Variants in GALNTL6 observed in about 807,000 individuals in gnomAD.
GALNTL6 encodes polypeptide N-acetylgalactosaminyltransferase-like 6.
Under a neutral mutation model 73.7 loss-of-function variants are expected in GALNTL6, and 46 were observed. The ratio of observed to expected loss-of-function variants is 0.62; its 90% confidence interval spans 0.49 to 0.80. The LOEUF is 0.80. GALNTL6 is among the 30% of genes least tolerant of loss of function. The pLI, the probability that GALNTL6 is intolerant of heterozygous loss-of-function variation, is 0.00. For synonymous variants in GALNTL6, 259 were observed against 263.7 expected (o/e 0.98, Z 0.17); for missense variants, 604 against 755.0 (o/e 0.80, Z 2.34).
At chr4:172,340,306 A>G (rs1741515979) in intron 4 of GALNTL6, among the ~76,000 whole-genome samples, 1 of 152,152 alleles carries the variant, frequency 6.6e-6, no homozygotes, top group African/African-American at 2.4e-5. Flanking sequence ...ATTAATTTTC[A>G]TATATTGAAC....
intron 2 of GALNTL6, among the ~76,000 whole-genome samples, chr4:172,058,208 GT>G (rs1452884964): frequency 6.6e-6 from 1 of 151,574 alleles, no homozygotes. Context: ...TGATCTTCCT[GT>G]CTCCACCCCA....
At chr4:172,893,439 C>T (rs1276949500) in intron 8 of GALNTL6, among the ~76,000 whole-genome samples, 1 of 151,994 alleles carries the variant, frequency 6.6e-6, no homozygotes, top group Non-Finnish European at 1.5e-5. Flanking sequence ...TTTGGGACCA[C>T]ACCTACAGTT....
intron 2 of GALNTL6, among the ~76,000 whole-genome samples, chr4:171,951,609 C>CATATAAGAAT (rs1223995349): frequency 9.8e-5 from 1 of 10,178 alleles, no homozygotes. Context: ...TATAATTAAG[C>CATATAAGAAT]ACTTTTAAAA....
At chr4:173,020,030 A>G (rs1752933072) in intron 11 of GALNTL6, among the ~76,000 whole-genome samples, 1 of 152,212 alleles carries the variant, frequency 6.6e-6, no homozygotes, top group African/African-American at 2.4e-5. Context: ...TTTATTTTGC[A>G]ATTCACAGTT....
intron 5 of GALNTL6, among the ~76,000 whole-genome samples, chr4:172,644,265 G>A (rs910926241): frequency 6.6e-6 from 1 of 151,036 alleles, no homozygotes; most frequent in East Asian, 1.9e-4. Flanking sequence ...ATGTGTGTAT[G>A]AATGTATGAG....
At chr4:172,936,170 C>T (rs898498315) in intron 9 of GALNTL6, among the ~76,000 whole-genome samples, 8 of 152,118 alleles carry the variant, frequency 5.3e-5, no homozygotes, top group Admixed American at 3.9e-4. Context: ...GCAGAACCAA[C>T]GACAAAAACC....
intron 2 of GALNTL6, among the ~76,000 whole-genome samples, chr4:171,994,794 G>A (rs1740440127): frequency 6.6e-6 from 1 of 151,816 alleles, no homozygotes; most frequent in Non-Finnish European, 1.5e-5. Flanking sequence ...AGAAAACTCA[G>A]AGGCCATAAA....
intron 3 of GALNTL6, among the ~76,000 whole-genome samples, chr4:172,243,855 GCA>G (rs765810407): frequency 1.3e-5 from 2 of 152,102 alleles, no homozygotes; most frequent in Non-Finnish European, 2.9e-5. Flanking sequence ...AGAATGAGAA[GCA>G]GAAATGTGCA....
intron 3 of GALNTL6, among the ~76,000 whole-genome samples, chr4:172,294,255 C>G (rs1739581008): frequency 6.6e-6 from 1 of 151,752 alleles, no homozygotes; most frequent in African/African-American, 2.4e-5. Flanking sequence ...TCTTTATTTT[C>G]TTTATAGTTT....
intron 5 of GALNTL6, among the ~76,000 whole-genome samples, chr4:172,756,287 A>T (rs1737744462): frequency 6.6e-6 from 1 of 152,210 alleles, no homozygotes; most frequent in Admixed American, 6.5e-5. Context: ...ATATGCAATT[A>T]AAAAAATAAT....
At chr4:172,288,098 T>TC (rs1739327154) in intron 3 of GALNTL6, among the ~76,000 whole-genome samples, 1 of 151,806 alleles carries the variant, frequency 6.6e-6, no homozygotes. Context: ...GAATTGATTT[T>TC]TTTTTTTTTT....
At chr4:172,703,576 G>A (rs1734154763) in intron 5 of GALNTL6, among the ~76,000 whole-genome samples, 1 of 151,882 alleles carries the variant, frequency 6.6e-6, no homozygotes, top group Non-Finnish European at 1.5e-5. Flanking sequence ...TTTCTGATGT[G>A]CTGTTTTATT....
chr4:172,138,504 TATATA>T, intron 2 of GALNTL6, among the ~76,000 whole-genome samples: 2 of 14,368 alleles, frequency 1.4e-4, no homozygotes, highest in Non-Finnish European at 3.4e-4. Context: ...TATATATATA[TATATA>T]TATATTTTTT....
intron 3 of GALNTL6, among the ~76,000 whole-genome samples, chr4:172,287,487 A>G (rs1739304481): frequency 6.6e-6 from 1 of 152,240 alleles, no homozygotes; most frequent in South Asian, 2.1e-4. Context: ...TTTATACATT[A>G]CACACATTAT....
intron 5 of GALNTL6, among the ~76,000 whole-genome samples, chr4:172,404,959 A>G (rs1744158497): frequency 6.6e-6 from 1 of 152,056 alleles, no homozygotes; most frequent in Non-Finnish European, 1.5e-5. Context: ...TAGCAAAAGC[A>G]ACTGTGGGAA....
At chr4:171,894,277 C>T (rs1435999676) in intron 2 of GALNTL6, among the ~76,000 whole-genome samples, 1 of 152,058 alleles carries the variant, frequency 6.6e-6, no homozygotes, top group Non-Finnish European at 1.5e-5. Flanking sequence ...AATTGACAAA[C>T]AACCCATGTA....
At chr4:172,094,874 C>T (rs1385691633) in intron 2 of GALNTL6, among the ~76,000 whole-genome samples, 4 of 151,974 alleles carry the variant, frequency 2.6e-5, no homozygotes, top group Non-Finnish European at 5.9e-5. Flanking sequence ...ATTCTGCTTA[C>T]TGTACAGCTA....
intron 2 of GALNTL6, among the ~76,000 whole-genome samples, chr4:172,183,026 G>T (rs1735303165): frequency 6.6e-6 from 1 of 152,118 alleles, no homozygotes; most frequent in Non-Finnish European, 1.5e-5. Context: ...CTTGCTGATA[G>T]ATGAAAACCT....
intron 6 of GALNTL6, among the ~76,000 whole-genome samples, chr4:172,810,859 G>A (rs1035837959): frequency 1.3e-5 from 2 of 152,034 alleles, no homozygotes; most frequent in Non-Finnish European, 2.9e-5. Flanking sequence ...TGACCTATAT[G>A]GTGTTGAATA....
Sources: gnomAD v4.1 joint callset for allele counts (sites outside exome capture counted in the v4.1 genomes callset) on GRCh38, gnomAD v4.1.1 for gene constraint, MANE v1.5 for transcripts, NCBI Gene and HGNC (gene_info 2026-07-23, HGNC 2026-07-21) for gene names.